Variants in NTRK3 observed in about 807,000 individuals in gnomAD.
The protein encoded by NTRK3 is neurotrophic receptor tyrosine kinase 3.
In NTRK3, 24 loss-of-function variants were observed where a neutral mutation model predicts 91.7. The observed-to-expected ratio is 0.26, with a 90% CI of 0.19 to 0.37. The LOEUF is 0.37. NTRK3 is among the 10% of genes least tolerant of loss of function. The probability of loss-of-function intolerance (pLI) is 1.00; values close to 1 mark genes in which losing one functional copy is unlikely to be tolerated. For missense variants in NTRK3, 880 were observed against 1,068.9 expected (o/e 0.82, Z 2.46); for synonymous variants, 483 against 404.0 (o/e 1.20, Z -2.34).
At chr15:88,127,410 T>C (rs1440174193) in intron 11 of NTRK3, among the ~76,000 whole-genome samples, 184 bp from the exon 12 acceptor site, 1 of 150,902 alleles carries the variant, frequency 6.6e-6, no homozygotes, top group African/African-American at 2.4e-5. Context: ...ACAGACCAGG[T>C]TCCTATCTGA....
chr15:88,191,418 C>A (rs561854705), intron 3 of NTRK3, among the ~76,000 whole-genome samples: 1 of 152,278 alleles, frequency 6.6e-6, no homozygotes, highest in South Asian at 2.1e-4. Flanking sequence ...GAAATCCTGG[C>A]CTCAAGCAAT....
At chr15:88,193,847 T>C (rs1444980874) in intron 3 of NTRK3, among the ~76,000 whole-genome samples, 2 of 152,196 alleles carry the variant, frequency 1.3e-5, no homozygotes, top group Non-Finnish European at 2.9e-5. Flanking sequence ...AAAAACCTCC[T>C]TGACTCCATG....
At chr15:87,922,416 G>T (rs1020140215) in intron 17 of NTRK3, among the ~76,000 whole-genome samples, 1 of 152,104 alleles carries the variant, frequency 6.6e-6, no homozygotes, top group Non-Finnish European at 1.5e-5. Flanking sequence ...CTAATGAGGG[G>T]GCTGCCCTCC....
chr15:87,991,965 T>C (rs560118405), intron 14 of NTRK3, among the ~76,000 whole-genome samples: 68 of 151,980 alleles, frequency 4.5e-4, no homozygotes, highest in Admixed American at 5.3e-4. Context: ...ATCTGGCACA[T>C]GGCACACACT....
At chr15:87,903,478 G>T (rs1404045169) in intron 17 of NTRK3, among the ~76,000 whole-genome samples, 1 of 152,146 alleles carries the variant, frequency 6.6e-6, no homozygotes, top group African/African-American at 2.4e-5. Flanking sequence ...CTGCATTCCA[G>T]GCCCCTTTTA....
intron 3 of NTRK3, among the ~76,000 whole-genome samples, chr15:88,248,366 A>G (rs566788837): frequency 9.7e-4 from 148 of 152,332 alleles, no homozygotes; most frequent in Admixed American, 3.1e-3. Flanking sequence ...TGTTTGGCCA[A>G]TACTACACCC....
chr15:88,086,504 T>C lies in NTRK3; in HGVS notation c.1396+39767A>G, dbSNP rs917826370. Among the ~76,000 whole-genome samples, 10 of 151,550 alleles carry C rather than the reference T, an allele frequency of 6.6e-5. No individual in the cohort carries two copies. In the South Asian group the frequency reaches 1.9e-3, roughly 28 times the overall value. On this transcript the variant is annotated intron_variant, in intron 13 of 18. Coordinates refer to ENST00000394480, the Ensembl canonical transcript of NTRK3. ...ACATAATTAGAATTAATTTCACCTGTTTATTTTATTTTTTAAAAACATGGC... is the reference window on the plus strand; with the variant it reads ...ACATAATTAGAATTAATTTCACCTGCTTATTTTATTTTTTAAAAACATGGC...
At chr15:88,026,846 G>T (rs1048299773) in intron 14 of NTRK3, among the ~76,000 whole-genome samples, 6 of 152,098 alleles carry the variant, frequency 3.9e-5, no homozygotes, top group African/African-American at 1.4e-4. Flanking sequence ...CCAGGGCCAG[G>T]TATCACCTTA....
chr15:88,159,512 G>A (rs1354154937), intron 5 of NTRK3, among the ~76,000 whole-genome samples: 3 of 152,168 alleles, frequency 2.0e-5, no homozygotes, highest in Non-Finnish European at 4.4e-5. Context: ...GATGTTGCTG[G>A]TTTGGGAACC....
chr15:88,143,755 G>A (rs533494926), intron 6 of NTRK3, among the ~76,000 whole-genome samples: 6 of 152,230 alleles, frequency 3.9e-5, no homozygotes, highest in Admixed American at 6.5e-5. Flanking sequence ...AAGTCATCAC[G>A]GCCAAGACTG....
At chr15:88,009,202 A>G (rs1027242134) in intron 14 of NTRK3, among the ~76,000 whole-genome samples, 1 of 152,214 alleles carries the variant, frequency 6.6e-6, no homozygotes. Context: ...AATTTTGATG[A>G]TGATGATATT....
intron 5 of NTRK3, among the ~76,000 whole-genome samples, chr15:88,153,642 G>A (rs920854684): frequency 4.6e-5 from 7 of 152,060 alleles, no homozygotes; most frequent in African/African-American, 1.7e-4. Context: ...ATACTGGGTG[G>A]CTTATAAACA....
chr15:88,008,119 G>T (rs1172610269), intron 14 of NTRK3, among the ~76,000 whole-genome samples: 1 of 152,142 alleles, frequency 6.6e-6, no homozygotes, highest in Non-Finnish European at 1.5e-5. Context: ...ATTAATTTGG[G>T]TTGGATCTCT....
At chr15:88,042,692 G>T (rs549029480) in intron 13 of NTRK3, among the ~76,000 whole-genome samples, 1 of 152,166 alleles carries the variant, frequency 6.6e-6, no homozygotes, top group African/African-American at 2.4e-5. Context: ...CCAAGAACAC[G>T]CACTTAAGGA....
chr15:87,986,556 T>A (rs1276837365), intron 14 of NTRK3, among the ~76,000 whole-genome samples: 1 of 152,224 alleles, frequency 6.6e-6, no homozygotes, highest in East Asian at 1.9e-4. Context: ...TCTGTGTAAG[T>A]TTAAGCTTTT....
intron 3 of NTRK3, among the ~76,000 whole-genome samples, chr15:88,206,657 CG>C (rs1340046500): frequency 4.3e-4 from 43 of 99,312 alleles, no homozygotes; most frequent in Admixed American, 3.2e-3. Context: ...GACTCCGTCT[CG>C]AAAAAAAAAA....
chr15:88,040,701 C>A (rs1026229287), intron 13 of NTRK3, among the ~76,000 whole-genome samples: 3 of 152,184 alleles, frequency 2.0e-5, no homozygotes, highest in South Asian at 2.1e-4. Flanking sequence ...GCCCAGCCAA[C>A]GTGTAGAAGT....
intron 3 of NTRK3, among the ~76,000 whole-genome samples, chr15:88,186,361 T>C (rs540513113): frequency 1.7e-4 from 26 of 152,216 alleles, no homozygotes; most frequent in Non-Finnish European, 3.4e-4. Flanking sequence ...CATGTCCTTA[T>C]GCCCACAAAC....
At chr15:88,141,602 C>T (rs1202754869) in intron 6 of NTRK3, among the ~76,000 whole-genome samples, 1 of 152,220 alleles carries the variant, frequency 6.6e-6, no homozygotes, top group East Asian at 1.9e-4. Flanking sequence ...TGTAAAAATA[C>T]AAATTATCCA....
Sources: allele counts gnomAD v4.1 joint callset (sites outside exome capture counted in the v4.1 genomes callset), GRCh38; gene constraint gnomAD v4.1.1; transcripts MANE v1.5; gene names NCBI Gene and HGNC (gene_info 2026-07-23, HGNC 2026-07-21).